The following ASPH variants were observed in gnomAD, a reference collection of about 807,000 sequenced individuals.
The protein encoded by ASPH is aspartate beta-hydroxylase.
A neutral mutation model predicts 118.4 loss-of-function variants in ASPH; 100 were observed. The ratio of observed to expected loss-of-function variants is 0.84; its 90% CI spans 0.72 to 1.00. The LOEUF is 1.00. Ranked by LOEUF, ASPH falls within the 50% of genes least tolerant of loss-of-function variation. The pLI is 0.00. For missense variants in ASPH, 920 were observed against 919.5 expected (o/e 1.00, Z -0.01); for synonymous variants, 315 against 325.6 (o/e 0.97, Z 0.35).
At chr8:61,531,651 T>A (rs1222618539) in intron 21 of ASPH, among the ~76,000 whole-genome samples, 1 of 152,000 alleles carries the variant, frequency 6.6e-6, no homozygotes, top group East Asian at 1.9e-4. Context: ...TTGATATACA[T>A]CTTATAACTG....
rs990468222 is a variant in ASPH, at chr8:61,581,349, T to C, written c.1062+2595A>G. Among the ~76,000 whole-genome samples the C allele has an allele frequency of 1.8e-4, 28 of 152,230 alleles. 1 individual carries two copies. Among genetic ancestry groups the C allele is most frequent in the Non-Finnish European group, 1.2e-4 (8 of 68,044 alleles). ...TGTTTGAAGAATTGCCTGAAAATGA[T>C]CTGTTCCTCAACATAGCTTATAATG... On this transcript the variant is annotated intron_variant, in intron 15 of 24. Transcript: ENST00000379454.
intron 1 of ASPH, 170 bp from the exon 2 acceptor site, chr8:61,684,358 A>G: frequency 1.3e-6 from 1 of 747,460 alleles, no homozygotes; most frequent in South Asian, 2.5e-5. Flanking sequence ...CTGAAAACAG[A>G]AAAGATTGTT....
At position 61,548,146 on chromosome 8, in the gene ASPH, T is replaced by C. The variant is rs778096461; in HGVS notation, c.1689A>G (p.Ser563=). Residue 563 remains serine (S), a synonymous_variant, in exon 21 of 25, where the codon TCA becomes TCG. Coordinates refer to ENST00000379454, the MANE Select transcript of ASPH (RefSeq NM_004318.4). ...RGHFASVWQR[S]LYNVNGLKAQ... ...CTTTCAGTCCATTCACATTGTAGAG[T>C]GAGCGTTGCCAGACAGATGCAAAGT... is the stretch of plus-strand genomic sequence containing the variant. 1 of 1,613,842 alleles carries C rather than the reference T, an allele frequency of 6.2e-7. No individual in the cohort carries two copies. Among genetic ancestry groups the C allele is most frequent in the African/African-American group, 1.3e-5 (1 of 74,890 alleles).
intron 14 of ASPH, among the ~76,000 whole-genome samples, chr8:61,593,721 C>T (rs1841814936): frequency 6.6e-6 from 1 of 152,054 alleles, no homozygotes. Context: ...GATGTGACCC[C>T]ATATGTTAAA....
At chr8:61,517,468 G>T in intron 24 of ASPH, 60 bp downstream of exon 24, 1 of 1,587,410 alleles carries the variant, frequency 6.3e-7, no homozygotes, top group Non-Finnish European at 8.6e-7. Flanking sequence ...ACACAACTGT[G>T]TTGTAACAAA....
chr8:61,516,287 G>A (rs1398569597), intron 24 of ASPH, among the ~76,000 whole-genome samples: 1 of 152,122 alleles, frequency 6.6e-6, no homozygotes, highest in Non-Finnish European at 1.5e-5. Flanking sequence ...AGTATTTTTA[G>A]CTTATCTGTA....
rs368984040 is a variant in ASPH, at chr8:61,546,519, T to A, written c.1764+1552A>T. 3.3e-5 allele frequency among the ~76,000 whole-genome samples: 5 copies of A among 152,186 alleles called. No homozygotes were observed. In the East Asian group the frequency reaches 7.7e-4, roughly 23 times the overall value. ...TGTAGCCGACCTATCAAGGAAGATG[T>A]TGTTCTTGTGCTATTTCTAATCTGG... On this transcript the variant is annotated intron_variant, in intron 21 of 24. Coordinates refer to ENST00000379454, the MANE Select transcript of ASPH (RefSeq NM_004318.4).
chr8:61,630,093 G>A (rs1026345077), intron 13 of ASPH, among the ~76,000 whole-genome samples: 1 of 152,156 alleles, frequency 6.6e-6, no homozygotes, highest in Non-Finnish European at 1.5e-5. Context: ...TTAGATGGAG[G>A]CAATGGTGAT....
intron 13 of ASPH, among the ~76,000 whole-genome samples, chr8:61,622,581 A>G (rs1934443643): frequency 6.6e-6 from 1 of 152,130 alleles, no homozygotes; most frequent in South Asian, 2.1e-4. Flanking sequence ...ACAGCTTTCC[A>G]GTCTCCTTCT....
chr8:61,695,975 A>G (rs1833841973), intron 1 of ASPH, among the ~76,000 whole-genome samples: 1 of 152,222 alleles, frequency 6.6e-6, no homozygotes, highest in Non-Finnish European at 1.5e-5. Flanking sequence ...AAAGACCTAC[A>G]AATAGCTAAG....
chr8:61,647,870 G>C (rs1423498840), intron 5 of ASPH, among the ~76,000 whole-genome samples: 3 of 152,128 alleles, frequency 2.0e-5, no homozygotes, highest in Non-Finnish European at 4.4e-5. Flanking sequence ...TGTAGAGGTT[G>C]GACATGTTGC....
At position 61,616,916 on chromosome 8, in the gene ASPH, C is replaced by T. The variant is rs558659538; in HGVS notation, c.976+2062G>A. ...GGTCTGTCTTGCTCTCACCTGCAAC[C>T]ACTTGTCTAGAACAATTCCTGGCAT... On this transcript the variant is annotated intron_variant, in intron 14 of 24. Transcript: ENST00000379454. Among the ~76,000 whole-genome samples, 32 of 152,348 alleles carry T rather than the reference C, an allele frequency of 2.1e-4. No individual in the cohort carries two copies. In the South Asian group the frequency reaches 6.0e-3, roughly 29 times the overall value.
At chr8:61,651,207 A>G (rs1810802922) in intron 4 of ASPH, 83 bp from the exon 5 acceptor site, 10 of 1,053,934 alleles carry the variant, frequency 9.5e-6, no homozygotes, top group Non-Finnish European at 1.3e-5. Context: ...ACATTGGTAC[A>G]TACACATTAA....
At position 61,670,760 on chromosome 8, in the gene ASPH, G is replaced by GA. The variant is rs199678919; in HGVS notation, c.322+10207dup. On this transcript the variant is annotated intron_variant, in intron 3 of 24. Transcript: ENST00000379454. Reference sequence around the variant, plus strand: ...TTGGAAACCAGAGGATGCAGTGTCTGAAAAAAAAAGGTGAGTGAATGAGAC... The same window carrying GA: ...TTGGAAACCAGAGGATGCAGTGTCTGAAAAAAAAAAGGTGAGTGAATGAGAC... 4.6e-4 allele frequency among the ~76,000 whole-genome samples: 68 copies of GA among 148,474 alleles called. 1 individual carries two copies. Among genetic ancestry groups the GA allele is most frequent in the African/African-American group, 1.3e-3 (51 of 40,498 alleles).
At chr8:61,533,104 C>T (rs1427276937) in intron 21 of ASPH, among the ~76,000 whole-genome samples, 23 of 141,856 alleles carry the variant, frequency 1.6e-4, no homozygotes, top group African/African-American at 5.1e-4. Context: ...ATTTCTTCTT[C>T]TTTTTTTTTT....
At chr8:61,545,825 T>C (rs1389700275) in intron 21 of ASPH, among the ~76,000 whole-genome samples, 4 of 152,202 alleles carry the variant, frequency 2.6e-5, no homozygotes, top group Non-Finnish European at 5.9e-5. Flanking sequence ...GTTTGATCTG[T>C]TGGTTTAAGA....
rs560943178 is a variant in ASPH, at chr8:61,640,308, G to A, written c.791-1945C>T. On this transcript the variant is annotated intron_variant, in intron 10 of 24. Coordinates refer to ENST00000379454, the MANE Select transcript of ASPH (RefSeq NM_004318.4). ...TGTCTCTCCAGTCTGTTTGTTGCAT[G>A]CCAGACCGATCAATCTTTTCAAAAT... is the stretch of plus-strand genomic sequence containing the variant. Among the ~76,000 whole-genome samples the A allele has an allele frequency of 2.6e-5, 4 of 152,262 alleles. No homozygotes were observed. In the East Asian group the frequency reaches 5.8e-4, roughly 22 times the overall value.
intron 24 of ASPH, among the ~76,000 whole-genome samples, chr8:61,509,683 C>T (rs929955191): frequency 3.3e-5 from 5 of 152,156 alleles, no homozygotes; most frequent in African/African-American, 1.2e-4. Flanking sequence ...CAAGATGGAG[C>T]TGCTCTGGTT....
At chr8:61,528,767 G>GGGCAACTAT (rs1365259040) in intron 21 of ASPH, among the ~76,000 whole-genome samples, 1 of 152,070 alleles carries the variant, frequency 6.6e-6, no homozygotes, top group East Asian at 1.9e-4. Context: ...TGTTGCCAAG[G>GGGCAACTAT]TACTTTTCGT....
Sources: gnomAD v4.1 joint callset for allele counts (sites outside exome capture counted in the v4.1 genomes callset) on GRCh38, gnomAD v4.1.1 for gene constraint, MANE v1.5 for transcripts, NCBI Gene and HGNC (gene_info 2026-07-23, HGNC 2026-07-21) for gene names.